The following GALNT13 variants were observed in gnomAD, a reference collection of about 807,000 sequenced individuals.
GALNT13 encodes UDP-GalNAc:polypeptide N-acetylgalactosaminyltransferase 13.
A neutral mutation model predicts 64.2 loss-of-function variants in GALNT13; 28 were observed. The ratio of observed to expected loss-of-function variants is 0.44; its 90% confidence interval spans 0.32 to 0.60. The LOEUF (loss-of-function observed/expected upper bound fraction) is 0.60, where lower values mean the gene tolerates loss of function less well. Among genes scored for constraint, GALNT13 ranks in the 20% least tolerant of loss-of-function variants. The pLI is 0.05. For missense variants in GALNT13, 577 were observed against 669.8 expected (o/e 0.86, Z 1.53); for synonymous variants, 214 against 224.6 (o/e 0.95, Z 0.42).
chr2:153,268,933 C>T, the GALNT13 span, among the ~76,000 whole-genome samples: 21 of 152,258 alleles, frequency 1.4e-4, no homozygotes, highest in Admixed American at 3.3e-4. Context: ...GCAGCAGGAC[C>T]GTAAGCTAGA....
the GALNT13 span, among the ~76,000 whole-genome samples, chr2:153,088,503 A>G: frequency 8.5e-5 from 13 of 152,188 alleles, no homozygotes; most frequent in South Asian, 2.3e-3. Context: ...GTTCGAGTCC[A>G]TTGTTTCTTC....
At chr2:154,353,164 A>G (rs1696507664) in intron 9 of GALNT13, among the ~76,000 whole-genome samples, 1 of 152,176 alleles carries the variant, frequency 6.6e-6, no homozygotes, top group Non-Finnish European at 1.5e-5. Context: ...TATATAATGG[A>G]TATTAAAATA....
chr2:154,207,351 T>G (rs1423688064), intron 4 of GALNT13, among the ~76,000 whole-genome samples: 1 of 152,170 alleles, frequency 6.6e-6, no homozygotes. Context: ...ATTAATAATC[T>G]GTTGAATTAT....
the GALNT13 span, among the ~76,000 whole-genome samples, chr2:153,521,166 T>A: frequency 6.6e-6 from 1 of 152,228 alleles, no homozygotes; most frequent in Non-Finnish European, 1.5e-5. Context: ...TAAAGCATAG[T>A]CCTTCTTCTG....
intron 10 of GALNT13, among the ~76,000 whole-genome samples, chr2:154,408,340 T>C (rs1482692101): frequency 1.3e-5 from 2 of 152,088 alleles, no homozygotes; most frequent in Non-Finnish European, 2.9e-5. Context: ...TAGTCAGCAA[T>C]TCAATCTTGC....
chr2:154,272,233 T>G (rs1392304438), intron 8 of GALNT13, among the ~76,000 whole-genome samples: 1 of 151,900 alleles, frequency 6.6e-6, no homozygotes, highest in Admixed American at 6.6e-5. Flanking sequence ...ACAAGAAAAA[T>G]AAACAATTAA....
the GALNT13 span, among the ~76,000 whole-genome samples, chr2:153,828,181 C>A: frequency 6.6e-6 from 1 of 152,218 alleles, no homozygotes; most frequent in Non-Finnish European, 1.5e-5. Context: ...TGCAAGCTCT[C>A]AGTGGATCTA....
chr2:153,432,977 A>C, the GALNT13 span, among the ~76,000 whole-genome samples: 1 of 151,982 alleles, frequency 6.6e-6, no homozygotes, highest in Non-Finnish European at 1.5e-5. Context: ...AAACACACAT[A>C]ACACGCACTC....
the GALNT13 span, among the ~76,000 whole-genome samples, chr2:153,131,453 A>G: frequency 1.3e-5 from 2 of 151,710 alleles, no homozygotes; most frequent in Non-Finnish European, 2.9e-5. Flanking sequence ...GTTATATTCA[A>G]GAAGACATCT....
intron 4 of GALNT13, among the ~76,000 whole-genome samples, chr2:154,167,369 A>T (rs1220780106): frequency 6.6e-6 from 1 of 152,168 alleles, no homozygotes; most frequent in Non-Finnish European, 1.5e-5. Flanking sequence ...TAGCACTTTT[A>T]AAATTGTATT....
the GALNT13 span, among the ~76,000 whole-genome samples, chr2:153,639,292 T>C: frequency 6.6e-5 from 10 of 152,174 alleles, no homozygotes; most frequent in Non-Finnish European, 1.3e-4. Context: ...ATGGGTGGGC[T>C]AGAAGGAAAG....
At chr2:153,292,413 C>T in the GALNT13 span, among the ~76,000 whole-genome samples, 70 of 152,092 alleles carry the variant, frequency 4.6e-4, no homozygotes, top group African/African-American at 1.5e-3. Context: ...AATGCCCTTC[C>T]GGAGATACAG....
the GALNT13 span, among the ~76,000 whole-genome samples, chr2:153,420,339 A>G: frequency 6.6e-6 from 1 of 152,202 alleles, no homozygotes; most frequent in African/African-American, 2.4e-5. Context: ...AAGCATTTTC[A>G]TTTTTTAAAC....
At chr2:154,403,263 G>A (rs1369364063) in intron 10 of GALNT13, among the ~76,000 whole-genome samples, 1 of 152,026 alleles carries the variant, frequency 6.6e-6, no homozygotes. Flanking sequence ...GACCAGCCTG[G>A]CCAGCATGGT....
At chr2:154,043,049 C>T (rs910314346) in intron 3 of GALNT13, among the ~76,000 whole-genome samples, 9 of 151,936 alleles carry the variant, frequency 5.9e-5, no homozygotes, top group Non-Finnish European at 7.4e-5. Flanking sequence ...GAAATTTGAA[C>T]TGTTTGAACT....
At chr2:153,154,887 T>A in the GALNT13 span, among the ~76,000 whole-genome samples, 2 of 152,174 alleles carry the variant, frequency 1.3e-5, no homozygotes, top group African/African-American at 4.8e-5. Flanking sequence ...TCTTATTGTT[T>A]TGAGGTATGT....
chr2:154,054,876 CATCTT>C (rs1699819810), intron 3 of GALNT13, among the ~76,000 whole-genome samples: 1 of 151,924 alleles, frequency 6.6e-6, no homozygotes, highest in Admixed American at 6.6e-5. Flanking sequence ...ATTATGAACT[CATCTT>C]AAAATGGTCT....
intron 4 of GALNT13, among the ~76,000 whole-genome samples, chr2:154,220,239 A>G (rs967235842): frequency 2.6e-5 from 4 of 152,088 alleles, no homozygotes; most frequent in African/African-American, 9.7e-5. Context: ...TACAAATTTT[A>G]TCCATGAGCC....
intron 8 of GALNT13, among the ~76,000 whole-genome samples, chr2:154,288,492 A>G (rs1692408507): frequency 6.6e-6 from 1 of 152,158 alleles, no homozygotes; most frequent in African/African-American, 2.4e-5. Flanking sequence ...CCAAAGTCTC[A>G]TCTGAGACAA....
Sources: gnomAD v4.1 joint callset for allele counts (sites outside exome capture counted in the v4.1 genomes callset) on GRCh38, gnomAD v4.1.1 for gene constraint, MANE v1.5 for transcripts, NCBI Gene and HGNC (gene_info 2026-07-23, HGNC 2026-07-21) for gene names.